MROH7: variants seen among roughly 807,000 people sequenced by gnomAD.
The protein encoded by MROH7 is maestro heat like repeat family member 7.
Under a neutral mutation model 129.2 loss-of-function variants are expected in MROH7, and 113 were observed. The ratio of observed to expected loss-of-function variants is 0.87; its 90% CI spans 0.75 to 1.02. MROH7 has a LOEUF of 1.02. MROH7 is among the 50% of genes least tolerant of loss of function. MROH7 has a pLI of 0.00. For missense variants in MROH7, 1,601 were observed against 1,671.3 expected (o/e 0.96, Z 0.73); for synonymous variants, 655 against 667.9 (o/e 0.98, Z 0.30).
rs371849728 is a variant in MROH7, at chr1:54,653,753, T to G, written c.827T>G (p.Met276Arg). ...TTWSTSSKET[M>R]NVASSGHSRS... The stretch of plus-strand genomic sequence containing the variant: ...TGGAGCACAAGTTCAAAGGAAACCA[T>G]GAATGTGGCTTCCAGCGGCCACTCC... Residue 276 changes from methionine (M) to arginine (R), a missense_variant, in exon 3 of 24, where the codon ATG (methionine) becomes AGG (arginine). Coordinates refer to ENST00000421030, the MANE Select transcript of MROH7 (RefSeq NM_001039464.4). The G allele has an allele frequency of 1.2e-6, 2 of 1,614,028 alleles. No homozygotes were observed. Among genetic ancestry groups the G allele is most frequent in the African/African-American group, 2.7e-5 (2 of 74,902 alleles).
At chr1:54,686,674 G>C (rs141309433) in intron 15 of MROH7, among the ~76,000 whole-genome samples, 73 of 152,300 alleles carry the variant, frequency 4.8e-4, no homozygotes, top group African/African-American at 1.7e-3. Flanking sequence ...TCACAGGAAA[G>C]AATCAGCCCT....
At chr1:54,700,000 C>A (rs563969059) in intron 17 of MROH7, 1 of 631,418 alleles carries the variant, frequency 1.6e-6, no homozygotes, top group South Asian at 1.9e-5. Context: ...CAGGAGACAG[C>A]TTGGTTGGAA....
chr1:54,692,332 C>T (rs777084953), intron 15 of MROH7, 92 bp from the exon 16 acceptor site: 95 of 1,514,772 alleles, frequency 6.3e-5, no homozygotes, highest in Non-Finnish European at 7.2e-5. Context: ...AGAAGTTTGT[C>T]GGGCCAGATG....
intron 16 of MROH7, among the ~76,000 whole-genome samples, chr1:54,693,928 C>T (rs1205532278): frequency 6.6e-6 from 1 of 152,236 alleles, no homozygotes; most frequent in African/African-American, 2.4e-5. Context: ...ATCGCCCACG[C>T]TGGAGTGCAG....
intron 23 of MROH7, among the ~76,000 whole-genome samples, chr1:54,709,677 A>C (rs1019618040): frequency 6.6e-6 from 1 of 152,170 alleles, no homozygotes. Flanking sequence ...GGTGACTCTT[A>C]AGTGGGGACT....
At chr1:54,679,184 G>A (rs1311394930) in intron 11 of MROH7, 79 bp from the exon 12 acceptor site, 2 of 1,432,464 alleles carry the variant, frequency 1.4e-6, no homozygotes, top group Non-Finnish European at 2.0e-6. Flanking sequence ...GGCAGTGTTT[G>A]TGCCTCTGTG....
chr1:54,679,873 G>GC lies in MROH7; in HGVS notation c.2227-14dup. 3 of 1,598,894 alleles carry GC rather than the reference G, an allele frequency of 1.9e-6. No individual in the cohort carries two copies. The Middle Eastern group carries it at 5.0e-4, about 265-fold the overall frequency. On this transcript the variant is annotated splice_polypyrimidine_tract_variant and intron_variant, in intron 12 of 23. Transcript: ENST00000421030. ...CTTGGCAGTCCCCTTGCTCATGGCT[G>GC]CCCCGGCTGTGCCCCAGATCCCAGA... is the stretch of plus-strand genomic sequence containing the variant.
At chr1:54,647,236 A>G (rs996703215) in intron 1 of MROH7, among the ~76,000 whole-genome samples, 7 of 152,194 alleles carry the variant, frequency 4.6e-5, no homozygotes, top group African/African-American at 1.7e-4. Context: ...GTTTACTCCT[A>G]TGTTTTCTTC....
chr1:54,666,219 A>C (rs1644811763), intron 4 of MROH7, among the ~76,000 whole-genome samples: 1 of 152,170 alleles, frequency 6.6e-6, no homozygotes, highest in African/African-American at 2.4e-5. Context: ...TCATCCTCTG[A>C]AGGTCTGCTG....
intron 3 of MROH7, 47 bp downstream of exon 3, chr1:54,654,204 T>G: frequency 6.7e-7 from 1 of 1,503,586 alleles, no homozygotes; most frequent in Non-Finnish European, 8.9e-7. Context: ...CCTGGAGGAA[T>G]TCTGTCTTCA....
chr1:54,688,257 G>A (rs1375673993), intron 15 of MROH7, among the ~76,000 whole-genome samples: 5 of 145,126 alleles, frequency 3.4e-5, no homozygotes, highest in African/African-American at 1.3e-4. Context: ...TTTTGTTAGA[G>A]ATGGAAGTCT....
At chr1:54,691,972 A>G (rs1645247923) in intron 15 of MROH7, among the ~76,000 whole-genome samples, 1 of 143,066 alleles carries the variant, frequency 7.0e-6, no homozygotes, top group Non-Finnish European at 1.5e-5. Context: ...CTCATTCTGG[A>G]GCTTGACAAG....
At chr1:54,706,388 T>G (rs942522641) in intron 21 of MROH7, 47 bp from the exon 22 acceptor site, 1 of 1,406,098 alleles carries the variant, frequency 7.1e-7, no homozygotes, top group African/African-American at 1.4e-5. Flanking sequence ...GATGGGCAAT[T>G]GGTTCCTCTG....
chr1:54,686,506 G>C (rs894024338), intron 15 of MROH7, 58 bp downstream of exon 15: 1 of 1,517,570 alleles, frequency 6.6e-7, no homozygotes, highest in African/African-American at 1.4e-5. Flanking sequence ...GGGCCATCCA[G>C]TCAGAGCCTC....
rs139255707 is a variant in MROH7 at position 54,691,284 on chromosome 1, C to T, written c.2712-1140C>T. ...CCCTCAGGAGAAGCTTTTATTTTCA[C>T]ACTGGATCATTACAAAAGCAAAAAC... is the stretch of plus-strand genomic sequence containing the variant. On this transcript the variant is annotated intron_variant, in intron 15 of 23. Transcript: ENST00000421030. Among the ~76,000 whole-genome samples the T allele has an allele frequency of 4.9e-3, 750 of 152,284 alleles. 10 individuals carry two copies. The highest frequency in any genetic ancestry group is 0.017 in the African/African-American group (711 of 41,552).
intron 1 of MROH7, among the ~76,000 whole-genome samples, chr1:54,644,243 G>A (rs2101048181): frequency 6.6e-6 from 1 of 150,592 alleles, no homozygotes; most frequent in Non-Finnish European, 1.5e-5. Flanking sequence ...TTTGGGGGGT[G>A]GGGAGGGGGG....
In MROH7 at chr1:54,670,947, C is replaced by T; in HGVS notation, c.1599+18C>T. ...CCATCCAGGTGAGGCGGGACCTTCCCAGCAGGGCCTCAGGGCTGGCCCATG... is the reference window on the plus strand; with the variant it reads ...CCATCCAGGTGAGGCGGGACCTTCCTAGCAGGGCCTCAGGGCTGGCCCATG... On this transcript the variant is annotated intron_variant, in intron 7 of 23. Transcript: ENST00000421030. 1 of 1,583,592 alleles carries T rather than the reference C, an allele frequency of 6.3e-7. No individual in the cohort carries two copies.
intron 11 of MROH7, 94 bp from the exon 12 acceptor site, chr1:54,679,169 C>A: frequency 8.0e-7 from 1 of 1,248,412 alleles, no homozygotes; most frequent in Non-Finnish European, 1.2e-6. Context: ...TGCATGTGGG[C>A]GTCAGGCAGT....
chr1:54,693,343 G>T (rs909478404), intron 16 of MROH7, among the ~76,000 whole-genome samples: 5 of 152,104 alleles, frequency 3.3e-5, no homozygotes, highest in African/African-American at 1.2e-4. Context: ...CCAGCCACTC[G>T]GGAGGCTGAG....
Sources: allele counts gnomAD v4.1 joint callset (sites outside exome capture counted in the v4.1 genomes callset), GRCh38; gene constraint gnomAD v4.1.1; transcripts MANE v1.5; gene names NCBI Gene and HGNC (gene_info 2026-07-23, HGNC 2026-07-21).